The following PTPDC1 variants were observed in gnomAD, a reference collection of about 807,000 sequenced individuals.
PTPDC1 encodes protein tyrosine phosphatase domain-containing protein 1.
In PTPDC1, 53 loss-of-function variants were observed where a neutral mutation model predicts 75.3. That is an observed-to-expected ratio of 0.70 (90% CI 0.56 to 0.88). PTPDC1 has a LOEUF of 0.88. Ranked by LOEUF, PTPDC1 falls within the 40% of genes least tolerant of loss-of-function variation. PTPDC1 has a pLI of 0.00. For missense variants in PTPDC1, 925 were observed against 998.6 expected, an observed-to-expected ratio of 0.93 and a Z score of 0.99; for synonymous variants, 349 against 366.2, an observed-to-expected ratio of 0.95 and a Z score of 0.54.
rs1749765003 is a variant in PTPDC1 at position 94,085,277 on chromosome 9, T to C, written c.271T>C (p.Tyr91His). ...AAATTTAGAACGTCCAACACCAAAG[T>C]ACACAAAAGTAGGGGAGCGTTTACG... The part of the protein sequence containing the change: ...KGNLERPTPK[Y>H]TKVGERLRHV... Residue 91 changes from tyrosine to histidine, a missense_variant, in exon 2 of 9, where the codon TAC (tyrosine) becomes CAC (histidine). Tyr to His is a moderately conservative substitution (Grantham distance 83). Transcript: ENST00000620992. 1 of 1,614,060 alleles carries C rather than the reference T, an allele frequency of 6.2e-7. No individual in the cohort carries two copies. The highest frequency in any genetic ancestry group is 8.5e-7 in the Non-Finnish European group (1 of 1,180,026).
In PTPDC1 at chr9:94,097,593, AT is replaced by A. The variant is rs1447606175; in HGVS notation, c.1028del (p.Ile343ThrfsTer3). ...ACTTCTGAAACACGTGCCAAAAATTATCCACCTAGTTTGCAAATTGCTGCTG... is the reference window on the plus strand; with the variant it reads ...ACTTCTGAAACACGTGCCAAAAATTACCACCTAGTTTGCAAATTGCTGCTG... ...ARLLKHVPKI[I>X]HLVCKLLLDL... On this transcript the variant is annotated frameshift_variant, in exon 6 of 9. Coordinates refer to ENST00000620992, the MANE Select transcript of PTPDC1 (RefSeq NM_001253829.2). LOFTEE classifies it high-confidence loss of function. The A allele has an allele frequency of 6.2e-7, 1 of 1,614,016 alleles. No individual in the cohort carries two copies. Among genetic ancestry groups the A allele is most frequent in the South Asian group, 1.1e-5 (1 of 91,090 alleles).
Position 94,104,995 on chromosome 9 carries a change from ATTTG to A in PTPDC1, c.2310+617_2310+620del, listed in dbSNP as rs1190010973. On this transcript the variant is annotated intron_variant, in intron 8 of 8. Coordinates refer to ENST00000620992, the MANE Select transcript of PTPDC1 (RefSeq NM_001253829.2). ...TCTCATTGATATGAAAGTATCTATA[ATTTG>A]TTTGTTACCTCTCATTGATATGAAA... is the stretch of plus-strand genomic sequence containing the variant. 1.6e-4 allele frequency among the ~76,000 whole-genome samples: 24 copies of A among 152,344 alleles called. 1 individual carries two copies. In the South Asian group the frequency reaches 4.8e-3, roughly 30 times the overall value.
intron 1 of PTPDC1, among the ~76,000 whole-genome samples, chr9:94,046,805 A>G (rs923404537): frequency 6.6e-6 from 1 of 152,102 alleles, no homozygotes; most frequent in African/African-American, 2.4e-5. Flanking sequence ...GGACAATTTG[A>G]CTTCCTCTTT....
chr9:94,031,100 G>C (rs1258868680), exon 1 of PTPDC1: 1 of 152,240 alleles, frequency 6.6e-6, no homozygotes, highest in Non-Finnish European at 1.5e-5. Flanking sequence ...AGCCGGCGCC[G>C]AGGGCTTGGA....
rs1827033153 is a variant in PTPDC1 at position 94,085,337 on chromosome 9, G to T, written c.331G>T (p.Ala111Ser). ...VIPGHMACSM[A>S]CGGRACKYEN... ...TCCTGGACACATGGCATGTTCCATG[G>T]CGTGTGGCGGTAGAGCTTGCAAGTA... Residue 111 changes from alanine to serine, a missense_variant, in exon 2 of 9, where the codon GCG (alanine) becomes TCG (serine). Physicochemically the swap from Ala to Ser is moderately conservative, Grantham distance 99. Coordinates refer to ENST00000620992, the MANE Select transcript of PTPDC1 (RefSeq NM_001253829.2). 2 of 1,614,070 alleles carry T rather than the reference G, an allele frequency of 1.2e-6. No individual in the cohort carries two copies. The highest frequency in any genetic ancestry group is 1.3e-5 in the African/African-American group (1 of 74,940).
At chr9:94,071,487 T>G (rs1297087220) in intron 2 of PTPDC1, among the ~76,000 whole-genome samples, 1 of 152,232 alleles carries the variant, frequency 6.6e-6, no homozygotes, top group African/African-American at 2.4e-5. Flanking sequence ...AGAAAAAGTT[T>G]TTAATTTTCA....
chr9:94,074,795 T>C (rs142488753), intron 2 of PTPDC1, among the ~76,000 whole-genome samples: 1 of 152,308 alleles, frequency 6.6e-6, no homozygotes, highest in African/African-American at 2.4e-5. Context: ...TCTTTCCTCC[T>C]ACTGCACTGT....
intron 2 of PTPDC1, among the ~76,000 whole-genome samples, chr9:94,074,157 G>A (rs1436686499): frequency 1.3e-5 from 2 of 151,944 alleles, no homozygotes; most frequent in Admixed American, 6.6e-5. Context: ...TTTCTTTCTC[G>A]CTTGTCAGGC....
At chr9:94,033,833 A>C (rs1829772948) in intron 1 of PTPDC1, among the ~76,000 whole-genome samples, 1 of 152,240 alleles carries the variant, frequency 6.6e-6, no homozygotes. Flanking sequence ...ATAGTGGGCC[A>C]TCTTTTTAAA....
exon 1 of PTPDC1, chr9:94,030,846 C>T (rs1829711155): frequency 6.6e-6 from 1 of 152,194 alleles, no homozygotes; most frequent in South Asian, 2.1e-4. Flanking sequence ...AGGGGCGCCC[C>T]GCCACGGGGA....
At chr9:94,093,068 C>A (rs1053796407) in intron 4 of PTPDC1, among the ~76,000 whole-genome samples, 2,245 of 152,166 alleles carry the variant, frequency 0.015, 42 homozygotes, top group African/African-American at 0.051. Flanking sequence ...TTAATTGGAG[C>A]ATTTAGTCCA....
At chr9:94,086,745 A>G (rs1827086575) in intron 2 of PTPDC1, among the ~76,000 whole-genome samples, 2 of 152,192 alleles carry the variant, frequency 1.3e-5, no homozygotes, top group South Asian at 2.1e-4. Context: ...CTTTCATACT[A>G]TTATCTTTTA....
chr9:94,032,713 G>T (rs1253049452), intron 1 of PTPDC1, among the ~76,000 whole-genome samples: 1 of 151,996 alleles, frequency 6.6e-6, no homozygotes, highest in Non-Finnish European at 1.5e-5. Flanking sequence ...TTGAGACGGG[G>T]TCTCACTCTG....
chr9:94,061,771 G>A (rs1007974832), intron 1 of PTPDC1, among the ~76,000 whole-genome samples: 1 of 152,236 alleles, frequency 6.6e-6, no homozygotes, highest in African/African-American at 2.4e-5. Context: ...CAGGGCAGCA[G>A]GGCCCTGGGC....
chr9:94,099,318 C>A (rs368779886), intron 6 of PTPDC1, among the ~76,000 whole-genome samples: 7 of 152,184 alleles, frequency 4.6e-5, no homozygotes, highest in Admixed American at 4.6e-4. Flanking sequence ...GCCTTATAAA[C>A]CTAGCTATGA....
intron 2 of PTPDC1, among the ~76,000 whole-genome samples, chr9:94,078,509 A>C (rs903505033): frequency 1.3e-5 from 2 of 152,172 alleles, no homozygotes; most frequent in Non-Finnish European, 2.9e-5. Flanking sequence ...TGTGTGGATT[A>C]ATGTTTTTCA....
intron 1 of PTPDC1, among the ~76,000 whole-genome samples, chr9:94,031,464 A>AG (rs1829725171): frequency 6.6e-6 from 1 of 152,060 alleles, no homozygotes; most frequent in African/African-American, 2.4e-5. Context: ...ATTAAAAAAA[A>AG]AAGAAGAAAC....
intron 1 of PTPDC1, among the ~76,000 whole-genome samples, chr9:94,043,157 C>T (rs895392381): frequency 6.6e-6 from 1 of 152,156 alleles, no homozygotes; most frequent in African/African-American, 2.4e-5. Flanking sequence ...GTATTTTGAC[C>T]TCCTCCCATG....
chr9:94,042,402 A>G (rs1228196945), intron 1 of PTPDC1, among the ~76,000 whole-genome samples: 1 of 152,240 alleles, frequency 6.6e-6, no homozygotes, highest in Non-Finnish European at 1.5e-5. Context: ...GACCACCACA[A>G]TAAAGTGAAT....
Sources: gnomAD v4.1 joint callset for allele counts (sites outside exome capture counted in the v4.1 genomes callset) on GRCh38, gnomAD v4.1.1 for gene constraint, MANE v1.5 for transcripts, NCBI Gene and HGNC (gene_info 2026-07-23, HGNC 2026-07-21) for gene names.